Variants in HPSE2 observed in about 807,000 individuals in gnomAD.
HPSE2 encodes inactive heparanase-2.
A neutral mutation model predicts 60.5 loss-of-function variants in HPSE2; 38 were observed. The observed-to-expected ratio is 0.63, with a 90% CI of 0.48 to 0.82. The LOEUF is 0.82. HPSE2 is among the 40% of genes least tolerant of loss of function. The probability of loss-of-function intolerance (pLI) is 0.00; values close to 1 mark genes in which losing one functional copy is unlikely to be tolerated. For missense variants in HPSE2, 713 were observed against 740.4 expected (o/e 0.96, Z 0.43); for synonymous variants, 295 against 293.2 (o/e 1.01, Z -0.06).
At chr10:99,310,360 C>A in the HPSE2 span, among the ~76,000 whole-genome samples, 6 of 152,128 alleles carry the variant, frequency 3.9e-5, no homozygotes, top group African/African-American at 1.4e-4. Context: ...TATATAAAAA[C>A]ATATTGAGTT....
chr10:98,572,965 C>T (rs577420638), intron 9 of HPSE2, among the ~76,000 whole-genome samples: 4 of 152,282 alleles, frequency 2.6e-5, no homozygotes, highest in Admixed American at 1.3e-4. Context: ...ACTATGGTTC[C>T]TGACCTCAAA....
chr10:99,097,014 A>G (rs888244823), intron 3 of HPSE2, among the ~76,000 whole-genome samples: 22 of 152,328 alleles, frequency 1.4e-4, no homozygotes, highest in African/African-American at 5.0e-4. Context: ...ATCAGGAGTT[A>G]TATCATTTGC....
intron 11 of HPSE2, among the ~76,000 whole-genome samples, chr10:98,464,817 A>G (rs1036991523): frequency 4.6e-5 from 7 of 152,112 alleles, no homozygotes; most frequent in Non-Finnish European, 7.4e-5. Context: ...GCCAATTACT[A>G]TTGCTCTTGT....
upstream of HPSE2, among the ~76,000 whole-genome samples, chr10:99,236,023 A>ATT (rs140396926): frequency 4.0e-4 from 37 of 92,646 alleles, no homozygotes; most frequent in East Asian, 1.8e-3. Context: ...ATTTTTTTTA[A>ATT]TTTTTTTTTT....
Position 98,794,697 on chromosome 10 carries a change from A to C in HPSE2, c.611-50641T>G, listed in dbSNP as rs542553658. On this transcript the variant is annotated intron_variant, in intron 3 of 11. Coordinates refer to ENST00000370552, the MANE Select transcript of HPSE2 (RefSeq NM_021828.5). The stretch of plus-strand genomic sequence containing the variant: ...TTCTTTGAGATTAGATTCAGGTGAC[A>C]CACGTTATAAAAAAGTTATCCTTTT... Among the ~76,000 whole-genome samples, 463 of 152,290 alleles carry C rather than the reference A, an allele frequency of 3.0e-3. 7 individuals carry two copies. Among genetic ancestry groups the C allele is most frequent in the South Asian group, 0.03 (144 of 4,826 alleles).
At chr10:98,637,956 T>G (rs1397409344) in intron 7 of HPSE2, among the ~76,000 whole-genome samples, 1 of 150,766 alleles carries the variant, frequency 6.6e-6, no homozygotes, top group Non-Finnish European at 1.5e-5. Context: ...CTGGACAACA[T>G]GGTGAAACCC....
chr10:99,054,132 A>C (rs1958055345), intron 3 of HPSE2, among the ~76,000 whole-genome samples: 1 of 152,150 alleles, frequency 6.6e-6, no homozygotes, highest in East Asian at 1.9e-4. Context: ...TCTACGAGAC[A>C]AGACATCAGA....
intron 3 of HPSE2, among the ~76,000 whole-genome samples, chr10:98,972,013 A>G (rs1322069417): frequency 6.6e-6 from 1 of 152,106 alleles, no homozygotes; most frequent in Non-Finnish European, 1.5e-5. Flanking sequence ...TTGTATCTAT[A>G]GTTATTATTA....
chr10:99,261,375 C>T, the HPSE2 span, among the ~76,000 whole-genome samples: 2 of 152,162 alleles, frequency 1.3e-5, no homozygotes, highest in African/African-American at 2.4e-5. Flanking sequence ...TTTCGTTCCT[C>T]GAATAGCCCT....
At chr10:98,734,230 G>A (rs373727117) in intron 4 of HPSE2, among the ~76,000 whole-genome samples, 132 of 152,180 alleles carry the variant, frequency 8.7e-4, no homozygotes, top group African/African-American at 3.0e-3. Context: ...TATTTGTCAC[G>A]TTTCATTTAT....
At chr10:98,621,021 T>C (rs1946059940) in intron 7 of HPSE2, among the ~76,000 whole-genome samples, 1 of 152,120 alleles carries the variant, frequency 6.6e-6, no homozygotes, top group Non-Finnish European at 1.5e-5. Context: ...AAAATATAAA[T>C]CATATTGTGT....
chr10:98,799,729 A>G (rs913971261), intron 3 of HPSE2, among the ~76,000 whole-genome samples: 1 of 152,184 alleles, frequency 6.6e-6, no homozygotes, highest in Non-Finnish European at 1.5e-5. Context: ...ATTTCTTGAA[A>G]AAAAAGATAA....
At chr10:99,296,091 G>A in the HPSE2 span, among the ~76,000 whole-genome samples, 1 of 152,160 alleles carries the variant, frequency 6.6e-6, no homozygotes, top group South Asian at 2.1e-4. Flanking sequence ...AACTTCAATA[G>A]CTATTTTGAA....
chr10:98,796,137 A>G (rs1375220434), intron 3 of HPSE2, among the ~76,000 whole-genome samples: 2 of 152,214 alleles, frequency 1.3e-5, no homozygotes. Flanking sequence ...TTTGAGAAAG[A>G]GGGAAAAGTA....
rs1847109424 is a variant in HPSE2 at position 99,167,001 on chromosome 10, T to TTTGTTTG, written c.449-22603_449-22602insCAAACAA. Among the ~76,000 whole-genome samples the TTTGTTTG allele has an allele frequency of 2.0e-5, 3 of 150,240 alleles. No homozygotes were observed. In the East Asian group the frequency reaches 5.8e-4, roughly 29 times the overall value. On this transcript the variant is annotated intron_variant, in intron 2 of 11. Coordinates refer to ENST00000370552, the MANE Select transcript of HPSE2 (RefSeq NM_021828.5). ...TTTCTTTTTTTCTTTTTTCTTTCCT[T>TTTGTTTG]TTTGTTTGTTTGTTTGTTTGTTTGT...
intron 3 of HPSE2, among the ~76,000 whole-genome samples, chr10:98,788,671 G>T (rs1287115391): frequency 6.6e-6 from 1 of 152,160 alleles, no homozygotes; most frequent in Non-Finnish European, 1.5e-5. Context: ...AAGCCGGTCT[G>T]AAAAGCGCAA....
chr10:98,938,728 C>A (rs1181926140), intron 3 of HPSE2, among the ~76,000 whole-genome samples: 1 of 143,448 alleles, frequency 7.0e-6, no homozygotes, highest in South Asian at 2.1e-4. Flanking sequence ...TCAGGAAATA[C>A]AGAGAACGCC....
intron 3 of HPSE2, among the ~76,000 whole-genome samples, chr10:98,955,106 G>A (rs1216392985): frequency 6.6e-6 from 1 of 151,694 alleles, no homozygotes; most frequent in Non-Finnish European, 1.5e-5. Flanking sequence ...AGAGACAAAT[G>A]CTGATATAAG....
intron 3 of HPSE2, among the ~76,000 whole-genome samples, chr10:98,745,218 TA>T (rs1949600833): frequency 6.6e-6 from 1 of 151,854 alleles, no homozygotes. Flanking sequence ...ATAAATAAAA[TA>T]AAAAAAAGAA....
Sources: gnomAD v4.1 joint callset for allele counts (sites outside exome capture counted in the v4.1 genomes callset) on GRCh38, gnomAD v4.1.1 for gene constraint, MANE v1.5 for transcripts, NCBI Gene and HGNC (gene_info 2026-07-23, HGNC 2026-07-21) for gene names.